Variants in EPB41L3 observed in about 807,000 individuals in gnomAD.
EPB41L3 encodes the protein band 4.1-like protein 3.
Under a neutral mutation model 127.1 loss-of-function variants are expected in EPB41L3, and 57 were observed. The ratio of observed to expected loss-of-function variants is 0.45; its 90% CI spans 0.36 to 0.56. The LOEUF (loss-of-function observed/expected upper bound fraction) is 0.56. Ranked by LOEUF, EPB41L3 falls within the 20% of genes least tolerant of loss-of-function variation. EPB41L3 has a pLI of 0.00. For synonymous variants in EPB41L3, 572 were observed against 549.5 expected, an observed-to-expected ratio of 1.04 and a Z score of -0.57; for missense variants, 1,273 against 1,372.2, an observed-to-expected ratio of 0.93 and a Z score of 1.14.
At chr18:5,509,245 T>C (rs1360377072) in intron 1 of EPB41L3, among the ~76,000 whole-genome samples, 1 of 152,186 alleles carries the variant, frequency 6.6e-6, no homozygotes, top group East Asian at 1.9e-4. Context: ...GCTCAGGACC[T>C]CACCTGGCCC....
At chr18:5,533,256 T>C (rs559576233) in intron 1 of EPB41L3, among the ~76,000 whole-genome samples, 3 of 152,330 alleles carry the variant, frequency 2.0e-5, no homozygotes, top group South Asian at 2.1e-4. Context: ...ACCTTGAGGC[T>C]GAATGGCAAC....
At chr18:5,548,639 G>A (rs1296981711), upstream of EPB41L3, among the ~76,000 whole-genome samples, 4 of 151,846 alleles carry the variant, frequency 2.6e-5, no homozygotes, top group South Asian at 8.3e-4. Context: ...TCCATTTCCA[G>A]TAAATTTTAG....
At chr18:5,578,942 TAC>T (rs1451619502) in intron 3 of EPB41L3, among the ~76,000 whole-genome samples, 2 of 152,182 alleles carry the variant, frequency 1.3e-5, no homozygotes, top group Non-Finnish European at 2.9e-5. Context: ...GCATAGGAGT[TAC>T]AGTTACCTTC....
At chr18:5,467,742 A>G (rs1395278744) in intron 3 of EPB41L3, among the ~76,000 whole-genome samples, 6 of 152,240 alleles carry the variant, frequency 3.9e-5, no homozygotes, top group Non-Finnish European at 1.5e-5. Context: ...TAAACTGTGA[A>G]GTAGATCCTT....
At chr18:5,538,882 G>C (rs774787372) in intron 1 of EPB41L3, among the ~76,000 whole-genome samples, 1 of 152,040 alleles carries the variant, frequency 6.6e-6, no homozygotes, top group Non-Finnish European at 1.5e-5. Context: ...ACAGACAGAG[G>C]TAACAACCTT....
At chr18:5,553,405 T>C (rs999825778) in intron 3 of EPB41L3, among the ~76,000 whole-genome samples, 3 of 152,190 alleles carry the variant, frequency 2.0e-5, no homozygotes, top group Non-Finnish European at 4.4e-5. Context: ...TGGTGAGTAG[T>C]AGAACCAGGC....
chr18:5,520,844 A>AG (rs971634938), intron 1 of EPB41L3, among the ~76,000 whole-genome samples: 3 of 152,182 alleles, frequency 2.0e-5, no homozygotes, highest in Non-Finnish European at 4.4e-5. Context: ...TAACTTCCAA[A>AG]GGGCCTTTCA....
chr18:5,422,392 A>G (rs2077586285), intron 11 of EPB41L3, among the ~76,000 whole-genome samples: 1 of 152,226 alleles, frequency 6.6e-6, no homozygotes, highest in Non-Finnish European at 1.5e-5. Context: ...GGGAAGGCAG[A>G]GCTGAGACTC....
intron 1 of EPB41L3, among the ~76,000 whole-genome samples, chr18:5,529,250 CAAT>C (rs1249860030): frequency 6.6e-6 from 1 of 152,146 alleles, no homozygotes; most frequent in Non-Finnish European, 1.5e-5. Context: ...ACATTTCCAA[CAAT>C]GTCACCTTTG....
chr18:5,449,292 C>T lies in EPB41L3; in HGVS notation c.382-4048G>A, dbSNP rs528239064. ...AAAACAACAGCGAGATACCTCCAAA[C>T]GTATGTTATAATGGCTAAAATCCAG... is the stretch of plus-strand genomic sequence containing the variant. On this transcript the variant is annotated intron_variant, in intron 3 of 22. Transcript: ENST00000341928. 1.1e-4 allele frequency among the ~76,000 whole-genome samples: 17 copies of T among 152,128 alleles called. No homozygotes were observed. The South Asian group carries it at 1.4e-3, about 13-fold the overall frequency.
At chr18:5,527,785 G>T (rs897630989) in intron 1 of EPB41L3, among the ~76,000 whole-genome samples, 1 of 152,202 alleles carries the variant, frequency 6.6e-6, no homozygotes, top group Non-Finnish European at 1.5e-5. Flanking sequence ...GGCTCGGCAA[G>T]TCCAATGCCT....
At chr18:5,416,726 A>G (rs1310235593) in intron 12 of EPB41L3, among the ~76,000 whole-genome samples, 2 of 152,222 alleles carry the variant, frequency 1.3e-5, no homozygotes, top group African/African-American at 4.8e-5. Context: ...GGGAGCAAAC[A>G]TAAGTAAATC....
At chr18:5,444,329 T>C (rs1174743894) in intron 4 of EPB41L3, among the ~76,000 whole-genome samples, 3 of 152,190 alleles carry the variant, frequency 2.0e-5, no homozygotes, top group Admixed American at 1.3e-4. Flanking sequence ...AAATCAATAG[T>C]TGCCTGTGAT....
At chr18:5,573,912 C>CT (rs2094309505) in intron 3 of EPB41L3, among the ~76,000 whole-genome samples, 1 of 150,160 alleles carries the variant, frequency 6.7e-6, no homozygotes, top group Non-Finnish European at 1.5e-5. Flanking sequence ...AATATATATA[C>CT]CTTTTTTTTT....
At chr18:5,466,461 T>C (rs1400964114) in intron 3 of EPB41L3, 1 of 152,180 alleles carries the variant, frequency 6.6e-6, no homozygotes, top group Non-Finnish European at 1.5e-5. Context: ...TTTCATCATG[T>C]CTCCACGACA....
chr18:5,432,568 A>G (rs1249782308), intron 8 of EPB41L3, among the ~76,000 whole-genome samples: 2 of 152,230 alleles, frequency 1.3e-5, no homozygotes, highest in Non-Finnish European at 2.9e-5. Context: ...AAAAGTTTTC[A>G]TAAAAGCTTC....
At chr18:5,583,012 A>T (rs1233966303) in intron 3 of EPB41L3, among the ~76,000 whole-genome samples, 1 of 152,160 alleles carries the variant, frequency 6.6e-6, no homozygotes, top group Admixed American at 6.6e-5. Context: ...AGCCCTCATC[A>T]CTGTGGGGGA....
At chr18:5,422,809 C>T (rs1186125604) in intron 11 of EPB41L3, among the ~76,000 whole-genome samples, 2 of 152,162 alleles carry the variant, frequency 1.3e-5, no homozygotes, top group Non-Finnish European at 2.9e-5. Flanking sequence ...GTACAGAACC[C>T]CTACCTAGCA....
intron 3 of EPB41L3, among the ~76,000 whole-genome samples, chr18:5,580,262 C>T (rs2094379975): frequency 6.6e-6 from 1 of 152,054 alleles, no homozygotes; most frequent in Non-Finnish European, 1.5e-5. Flanking sequence ...TGTATAGATA[C>T]ACTTATACAC....
Sources: gnomAD v4.1 joint callset for allele counts (sites outside exome capture counted in the v4.1 genomes callset) on GRCh38, gnomAD v4.1.1 for gene constraint, MANE v1.5 for transcripts, NCBI Gene and HGNC (gene_info 2026-07-23, HGNC 2026-07-21) for gene names.